Variants in ROBO2 observed in about 807,000 individuals in gnomAD.
ROBO2 encodes the protein roundabout guidance receptor 2, also known as roundabout homolog 2.
Under a neutral mutation model 160.8 loss-of-function variants are expected in ROBO2, and 53 were observed. The observed-to-expected ratio is 0.33, with a 90% CI of 0.26 to 0.41. The LOEUF is 0.41. ROBO2 is among the 10% of genes least tolerant of loss of function. ROBO2 has a pLI of 1.00. For synonymous variants in ROBO2, 664 were observed against 611.7 expected, an observed-to-expected ratio of 1.09 and a Z score of -1.26; for missense variants, 1,577 against 1,722.4, an observed-to-expected ratio of 0.92 and a Z score of 1.49.
chr3:76,493,336 A>ATT (rs2079938265), intron 2 of ROBO2, among the ~76,000 whole-genome samples: 3 of 25,504 alleles, frequency 1.2e-4, no homozygotes, highest in African/African-American at 5.9e-4. Context: ...TAGACAAAAA[A>ATT]TTATATATAT....
At chr3:76,465,461 T>A (rs767766842) in intron 2 of ROBO2, among the ~76,000 whole-genome samples, 3 of 152,030 alleles carry the variant, frequency 2.0e-5, no homozygotes, top group Admixed American at 6.6e-5. Flanking sequence ...AGCCATTGTA[T>A]TTTGCTTTTA....
intron 2 of ROBO2, among the ~76,000 whole-genome samples, chr3:76,004,223 A>G (rs2065961512): frequency 6.6e-6 from 1 of 152,214 alleles, no homozygotes; most frequent in African/African-American, 2.4e-5. Flanking sequence ...ATATAGACAT[A>G]TGTAACAGCA....
intron 2 of ROBO2, among the ~76,000 whole-genome samples, chr3:77,020,897 T>C (rs577037846): frequency 6.6e-6 from 1 of 152,250 alleles, no homozygotes; most frequent in South Asian, 2.1e-4. Flanking sequence ...CAAAGATAAT[T>C]TGAGAGCTCA....
chr3:77,140,827 G>A (rs192196785), intron 2 of ROBO2, among the ~76,000 whole-genome samples: 1 of 152,144 alleles, frequency 6.6e-6, no homozygotes, highest in Admixed American at 6.5e-5. Context: ...CTTTTTAGGG[G>A]CTTTCTGTTT....
At chr3:77,368,257 T>A (rs971274231) in intron 2 of ROBO2, among the ~76,000 whole-genome samples, 8 of 152,000 alleles carry the variant, frequency 5.3e-5, no homozygotes, top group African/African-American at 1.9e-4. Context: ...ATACATTCAT[T>A]TTTTTGTTAT....
chr3:76,051,949 A>G (rs1373287868), intron 2 of ROBO2, among the ~76,000 whole-genome samples: 2 of 152,100 alleles, frequency 1.3e-5, no homozygotes, highest in African/African-American at 2.4e-5. Context: ...TTTCAATGAT[A>G]AAAAGTACTA....
chr3:75,931,136 A>G (rs1201230332), intron 1 of ROBO2, among the ~76,000 whole-genome samples: 1 of 152,048 alleles, frequency 6.6e-6, no homozygotes, highest in Non-Finnish European at 1.5e-5. Context: ...CCAGATTCCT[A>G]CTTTTCAGTT....
chr3:77,167,687 A>G (rs2079222984), intron 2 of ROBO2, among the ~76,000 whole-genome samples: 1 of 152,194 alleles, frequency 6.6e-6, no homozygotes, highest in African/African-American at 2.4e-5. Flanking sequence ...AAGATATTTA[A>G]AAAACATTGT....
chr3:76,569,606 A>G (rs964430291), intron 2 of ROBO2, among the ~76,000 whole-genome samples: 1 of 152,198 alleles, frequency 6.6e-6, no homozygotes, highest in Non-Finnish European at 1.5e-5. Flanking sequence ...TAATATTTTA[A>G]TAAAATGTAC....
intron 5 of ROBO2, among the ~76,000 whole-genome samples, chr3:77,494,821 C>A (rs910366578): frequency 6.6e-6 from 1 of 152,210 alleles, no homozygotes; most frequent in Non-Finnish European, 1.5e-5. Context: ...TCAAATGCAT[C>A]AACCATTTAT....
At chr3:76,458,726 A>G (rs1373973832) in intron 2 of ROBO2, among the ~76,000 whole-genome samples, 2 of 152,184 alleles carry the variant, frequency 1.3e-5, no homozygotes, top group African/African-American at 2.4e-5. Context: ...CCTCAGAATC[A>G]TGATAGGAGG....
rs555998751 is a variant in ROBO2 at position 77,087,755 on chromosome 3, CAT to C, written c.62-10256_62-10255del. On this transcript the variant is annotated intron_variant, in intron 1 of 25. Transcript: ENST00000461745. ...ATACATATATGTGTGTGTACATATA[CAT>C]ATGTGTGTATACATGTATATATACA... is the stretch of plus-strand genomic sequence containing the variant. Among the ~76,000 whole-genome samples the C allele has an allele frequency of 2.1e-3, 319 of 151,516 alleles. 2 individuals carry two copies. Among genetic ancestry groups the C allele is most frequent in the African/African-American group, 7.2e-3 (298 of 41,244 alleles).
At chr3:76,946,697 G>A (rs1249435066) in intron 2 of ROBO2, among the ~76,000 whole-genome samples, 2 of 152,070 alleles carry the variant, frequency 1.3e-5, no homozygotes, top group African/African-American at 2.4e-5. Context: ...CTCAGCCTCC[G>A]AAGATGTTGG....
intron 2 of ROBO2, among the ~76,000 whole-genome samples, chr3:76,387,082 C>A (rs1342363893): frequency 6.6e-6 from 1 of 152,146 alleles, no homozygotes; most frequent in Non-Finnish European, 1.5e-5. Flanking sequence ...TGTCTGGTGA[C>A]AATTGCTCTC....
intron 2 of ROBO2, among the ~76,000 whole-genome samples, chr3:76,853,706 TCTAA>T (rs1256582031): frequency 5.3e-5 from 8 of 152,136 alleles, no homozygotes; most frequent in East Asian, 1.9e-4. Context: ...AAGAGCAGTC[TCTAA>T]CTGTGTCTAG....
chr3:77,102,018 C>T lies in ROBO2; in HGVS notation c.388+3678C>T, dbSNP rs765983832. ...TGGTGCCAATGCACTCCAGACTGGGCGACAGAGTGAAACCCTATCTCAAAC... is the reference window on the plus strand; with the variant it reads ...TGGTGCCAATGCACTCCAGACTGGGTGACAGAGTGAAACCCTATCTCAAAC... On this transcript the variant is annotated intron_variant, in intron 2 of 25. Coordinates refer to ENST00000461745, the Ensembl canonical transcript of ROBO2. Among the ~76,000 whole-genome samples, 14 of 152,156 alleles carry T rather than the reference C, an allele frequency of 9.2e-5. 1 individual carries two copies. Among genetic ancestry groups the T allele is most frequent in the Non-Finnish European group, 1.6e-4 (11 of 68,040 alleles).
chr3:76,578,265 A>G (rs927873436), intron 2 of ROBO2, among the ~76,000 whole-genome samples: 1 of 152,126 alleles, frequency 6.6e-6, no homozygotes, highest in African/African-American at 2.4e-5. Context: ...TTTTATTACT[A>G]TTGACTCCTT....
chr3:77,170,539 G>T (rs2079535203), intron 2 of ROBO2, among the ~76,000 whole-genome samples: 1 of 152,124 alleles, frequency 6.6e-6, no homozygotes, highest in South Asian at 2.1e-4. Context: ...TTGGTGATTT[G>T]TTAATATTAT....
chr3:76,426,032 G>C (rs979804174), intron 2 of ROBO2, among the ~76,000 whole-genome samples: 2 of 152,150 alleles, frequency 1.3e-5, no homozygotes, highest in South Asian at 2.1e-4. Flanking sequence ...GAAGGTGAAA[G>C]GCATGAAGAT....
Sources: allele counts gnomAD v4.1 joint callset (sites outside exome capture counted in the v4.1 genomes callset), GRCh38; gene constraint gnomAD v4.1.1; transcripts MANE v1.5; gene names NCBI Gene and HGNC (gene_info 2026-07-23, HGNC 2026-07-21).